Variants in VWC2 observed in about 807,000 individuals in gnomAD.
VWC2 encodes the protein brorin.
VWC2 carries 14 observed loss-of-function variants against 29.8 expected under a neutral mutation model. The ratio of observed to expected loss-of-function variants is 0.47; its 90% CI spans 0.31 to 0.74. The LOEUF (loss-of-function observed/expected upper bound fraction) is 0.74, where lower values mean the gene tolerates loss of function less well. Ranked by LOEUF, VWC2 falls within the 30% of genes least tolerant of loss-of-function variation. VWC2 has a pLI of 0.05. For missense variants in VWC2, 457 were observed against 459.8 expected, an observed-to-expected ratio of 0.99 and a Z score of 0.05; for synonymous variants, 213 against 199.0, an observed-to-expected ratio of 1.07 and a Z score of -0.59.
At chr7:49,831,409 C>T (rs1024206182) in intron 3 of VWC2, among the ~76,000 whole-genome samples, 5 of 152,138 alleles carry the variant, frequency 3.3e-5, no homozygotes, top group Non-Finnish European at 5.9e-5. Context: ...CTGTAACAAA[C>T]GTATTTACTA....
At chr7:49,868,644 G>C (rs1381038284) in intron 3 of VWC2, among the ~76,000 whole-genome samples, 7 of 152,160 alleles carry the variant, frequency 4.6e-5, no homozygotes, top group Non-Finnish European at 1.0e-4. Context: ...TTTAGATGAA[G>C]TCTTGCTCTG....
intron 2 of VWC2, among the ~76,000 whole-genome samples, chr7:49,786,143 C>G (rs1366457043): frequency 6.6e-6 from 1 of 152,132 alleles, no homozygotes; most frequent in African/African-American, 2.4e-5. Flanking sequence ...CCTCCCTCGC[C>G]CCTCTCATAG....
chr7:49,860,887 G>C (rs1014965097), intron 3 of VWC2, among the ~76,000 whole-genome samples: 1 of 152,210 alleles, frequency 6.6e-6, no homozygotes, highest in Non-Finnish European at 1.5e-5. Flanking sequence ...TGCGAGCCAA[G>C]GGGAGAGGCC....
chr7:49,876,000 G>A (rs1485553300), intron 3 of VWC2, among the ~76,000 whole-genome samples: 1 of 152,146 alleles, frequency 6.6e-6, no homozygotes, highest in Non-Finnish European at 1.5e-5. Context: ...ATTCTGTACT[G>A]TGAATATGGA....
At chr7:49,788,528 A>T (rs1447402975) in intron 2 of VWC2, among the ~76,000 whole-genome samples, 2 of 143,976 alleles carry the variant, frequency 1.4e-5, no homozygotes, top group African/African-American at 5.2e-5. Flanking sequence ...TGTGGGTGTG[A>T]GACAGTGTGA....
At chr7:49,783,065 T>C (rs887254114) in intron 2 of VWC2, among the ~76,000 whole-genome samples, 1 of 152,192 alleles carries the variant, frequency 6.6e-6, no homozygotes, top group East Asian at 1.9e-4. Context: ...AGGACTCTTG[T>C]AGAACCTCTA....
chr7:49,914,548 T>G lies in VWC2; in HGVS notation c.*2363T>G, dbSNP rs1387337950. The G allele has an allele frequency of 6.6e-6, 1 of 152,142 alleles. No individual in the cohort carries two copies. The highest frequency in any genetic ancestry group is 1.5e-5 in the Non-Finnish European group (1 of 68,036). 9.4% of individuals were successfully genotyped at this position (152,142 alleles called of 1,614,324 possible). On this transcript the variant is annotated 3_prime_UTR_variant, in exon 4 of 4. Coordinates refer to ENST00000340652, the MANE Select transcript of VWC2 (RefSeq NM_198570.5). ...CCTCTCTCCTCATAGAAATAATGCA[T>G]AAACCAAACACATGGAAGAACTTGG...
chr7:49,894,178 A>T (rs1792266395), intron 3 of VWC2, among the ~76,000 whole-genome samples: 1 of 114,854 alleles, frequency 8.7e-6, no homozygotes, highest in African/African-American at 3.4e-5. Flanking sequence ...CTTTCTTTTG[A>T]CAGGTTCTCA....
intron 3 of VWC2, among the ~76,000 whole-genome samples, chr7:49,893,780 G>T (rs1162753821): frequency 1.3e-5 from 2 of 152,018 alleles, no homozygotes; most frequent in Admixed American, 1.3e-4. Context: ...AGTCAGAGCT[G>T]GTGCTAAGGA....
chr7:49,868,189 C>T (rs1425375015), intron 3 of VWC2, among the ~76,000 whole-genome samples: 1 of 152,190 alleles, frequency 6.6e-6, no homozygotes, highest in East Asian at 1.9e-4. Flanking sequence ...ATTCACCCTA[C>T]AGTGACTGTA....
intron 3 of VWC2, among the ~76,000 whole-genome samples, chr7:49,885,010 GT>G (rs1338608088): frequency 3.3e-5 from 5 of 152,054 alleles, no homozygotes; most frequent in African/African-American, 4.8e-5. Flanking sequence ...GGATATAAGT[GT>G]TGTATGGCTA....
At chr7:49,882,992 G>T (rs1464509120) in intron 3 of VWC2, among the ~76,000 whole-genome samples, 1 of 151,876 alleles carries the variant, frequency 6.6e-6, no homozygotes, top group South Asian at 2.1e-4. Context: ...TTTCATCTCT[G>T]CCCTGGCCCC....
chr7:49,922,014 G>A (rs1234445274), downstream of VWC2: 2 of 152,082 alleles, frequency 1.3e-5, no homozygotes, highest in Non-Finnish European at 2.9e-5. Flanking sequence ...GCTTTTGAAA[G>A]TAGATTAAGC....
intron 3 of VWC2, among the ~76,000 whole-genome samples, chr7:49,846,902 A>G (rs1789964614): frequency 6.6e-6 from 1 of 152,210 alleles, no homozygotes; most frequent in Non-Finnish European, 1.5e-5. Flanking sequence ...ATATTATGAT[A>G]CAAATATCTG....
chr7:49,891,358 A>G (rs1792120192), intron 3 of VWC2, among the ~76,000 whole-genome samples: 2 of 152,236 alleles, frequency 1.3e-5, no homozygotes, highest in South Asian at 4.1e-4. Context: ...AAGAACTAAA[A>G]AGAGAGATGA....
chr7:49,875,463 G>C (rs1428949442), intron 3 of VWC2, among the ~76,000 whole-genome samples: 4 of 149,200 alleles, frequency 2.7e-5, no homozygotes. Context: ...TTGAAGGTCA[G>C]TTCACTCACA....
intron 2 of VWC2, among the ~76,000 whole-genome samples, chr7:49,800,992 T>C (rs1788725374): frequency 6.6e-6 from 1 of 152,176 alleles, no homozygotes; most frequent in Non-Finnish European, 1.5e-5. Context: ...TGTCTCAGGC[T>C]ACACTAAAGT....
chr7:49,908,489 C>T (rs1443126978), intron 3 of VWC2, among the ~76,000 whole-genome samples: 3 of 152,142 alleles, frequency 2.0e-5, no homozygotes, highest in African/African-American at 7.2e-5. Flanking sequence ...AAAAGCCACA[C>T]ATAACACAAA....
intron 3 of VWC2, among the ~76,000 whole-genome samples, chr7:49,910,213 C>T (rs1793334616): frequency 6.6e-6 from 1 of 152,140 alleles, no homozygotes; most frequent in Admixed American, 6.5e-5. Flanking sequence ...GAAGCGGGGG[C>T]CCTCCACCTC....
Sources: allele counts gnomAD v4.1 joint callset (sites outside exome capture counted in the v4.1 genomes callset), GRCh38; gene constraint gnomAD v4.1.1; transcripts MANE v1.5; gene names NCBI Gene and HGNC (gene_info 2026-07-23, HGNC 2026-07-21).